CHSY3: variants seen among roughly 807,000 people sequenced by gnomAD.
CHSY3 encodes the protein chondroitin sulfate synthase 3, also known as N-acetylgalactosaminyl-proteoglycan 3-beta-glucuronosyltransferase 3.
Under a neutral mutation model 67.2 loss-of-function variants are expected in CHSY3, and 35 were observed. The observed-to-expected ratio is 0.52, with a 90% CI of 0.40 to 0.69. The LOEUF (loss-of-function observed/expected upper bound fraction) is 0.69, where lower values mean the gene tolerates loss of function less well. Ranked by LOEUF, CHSY3 falls within the 30% of genes least tolerant of loss-of-function variation. The pLI is 0.00. For missense variants in CHSY3, 1,069 were observed against 1,138.5 expected (o/e 0.94, Z 0.88); for synonymous variants, 474 against 434.7 (o/e 1.09, Z -1.12).
At chr5:130,053,046 T>C (rs1374236804) in intron 2 of CHSY3, among the ~76,000 whole-genome samples, 1 of 152,124 alleles carries the variant, frequency 6.6e-6, no homozygotes, top group Non-Finnish European at 1.5e-5. Flanking sequence ...ATTACAGATA[T>C]TATAAGTTCA....
chr5:130,080,328 AC>A (rs1766407719), intron 2 of CHSY3, among the ~76,000 whole-genome samples: 1 of 152,004 alleles, frequency 6.6e-6, no homozygotes, highest in Admixed American at 6.6e-5. Flanking sequence ...CGTCACTGAT[AC>A]CTAGCACAGT....
chr5:130,170,321 C>A (rs114490319), intron 2 of CHSY3, among the ~76,000 whole-genome samples: 1 of 152,010 alleles, frequency 6.6e-6, no homozygotes, highest in African/African-American at 2.4e-5. Flanking sequence ...TGATTTCATT[C>A]TTTTTTATAA....
chr5:130,038,322 C>T (rs186971584), intron 2 of CHSY3, among the ~76,000 whole-genome samples: 7 of 152,168 alleles, frequency 4.6e-5, no homozygotes, highest in African/African-American at 1.7e-4. Context: ...GGCAGCATTG[C>T]TCTATTACAT....
At chr5:129,951,544 C>A (rs959671884) in intron 2 of CHSY3, among the ~76,000 whole-genome samples, 3 of 152,122 alleles carry the variant, frequency 2.0e-5, no homozygotes, top group Non-Finnish European at 2.9e-5. Flanking sequence ...TAATGTATAT[C>A]AATATGAGTA....
At chr5:129,927,628 C>A (rs920784133) in intron 2 of CHSY3, among the ~76,000 whole-genome samples, 1 of 151,750 alleles carries the variant, frequency 6.6e-6, no homozygotes, top group African/African-American at 2.4e-5. Context: ...AAATGCATTT[C>A]GTTGTATTTC....
chr5:130,110,998 A>G (rs765758994), intron 2 of CHSY3, among the ~76,000 whole-genome samples: 1 of 152,012 alleles, frequency 6.6e-6, no homozygotes, highest in Non-Finnish European at 1.5e-5. Flanking sequence ...ACTTTCACCA[A>G]CATTTAATTT....
At chr5:130,181,506 A>G (rs541943551) in intron 2 of CHSY3, among the ~76,000 whole-genome samples, 3 of 152,288 alleles carry the variant, frequency 2.0e-5, no homozygotes, top group African/African-American at 7.2e-5. Context: ...ATTTATGAAC[A>G]TACATGTCAG....
rs1027432190 is a variant in CHSY3, at chr5:130,108,332, C to T, written c.1087-75897C>T. ...GCCCTTTCAAAAAATTATCCTCCTG[C>T]GTTAGTGTTTTATATTTTTATATTA... On this transcript the variant is annotated intron_variant, in intron 2 of 2. Coordinates refer to ENST00000305031, the MANE Select transcript of CHSY3 (RefSeq NM_175856.5). Among the ~76,000 whole-genome samples, 16 of 151,550 alleles carry T rather than the reference C, an allele frequency of 1.1e-4. No individual in the cohort carries two copies. The East Asian group carries it at 1.5e-3, about 15-fold the overall frequency.
intron 2 of CHSY3, among the ~76,000 whole-genome samples, chr5:129,984,098 C>T (rs116338398): frequency 0.016 from 2,471 of 152,038 alleles, 53 homozygotes; most frequent in African/African-American, 0.055. Flanking sequence ...TTGTGTGTTG[C>T]GGGAGTTTGA....
chr5:130,134,831 G>A (rs565541620), intron 2 of CHSY3, among the ~76,000 whole-genome samples: 3 of 148,866 alleles, frequency 2.0e-5, no homozygotes, highest in South Asian at 2.1e-4. Context: ...GCACTCTCAC[G>A]TTTTACTTCC....
intron 2 of CHSY3, among the ~76,000 whole-genome samples, chr5:129,999,878 C>T (rs1281816736): frequency 6.6e-6 from 1 of 152,000 alleles, no homozygotes; most frequent in African/African-American, 2.4e-5. Flanking sequence ...TTTGTGACAA[C>T]ATCTAGGTTA....
At chr5:129,938,300 G>T (rs1761575745) in intron 2 of CHSY3, among the ~76,000 whole-genome samples, 1 of 152,224 alleles carries the variant, frequency 6.6e-6, no homozygotes, top group South Asian at 2.1e-4. Context: ...GATGGGAGGG[G>T]CTGCTGGGAA....
intron 2 of CHSY3, among the ~76,000 whole-genome samples, chr5:129,956,341 G>A (rs182672970): frequency 5.9e-5 from 9 of 151,960 alleles, no homozygotes; most frequent in Non-Finnish European, 8.8e-5. Flanking sequence ...CTTGTTGGTC[G>A]TATGTAGGTC....
At chr5:130,161,123 C>T (rs1313656892) in intron 2 of CHSY3, among the ~76,000 whole-genome samples, 1 of 151,894 alleles carries the variant, frequency 6.6e-6, no homozygotes, top group South Asian at 2.1e-4. Flanking sequence ...CCAGGATGGT[C>T]TCGATCTCCT....
At position 130,084,602 on chromosome 5, in the gene CHSY3, AATTTATTT is replaced by A. The variant is rs367718379; in HGVS notation, c.1087-99621_1087-99614del. Among the ~76,000 whole-genome samples the A allele has an allele frequency of 1.8e-3, 250 of 135,354 alleles. 3 individuals are homozygous for A. The highest frequency in any genetic ancestry group is 7.0e-3 in the African/African-American group (246 of 34,954). 88.8% of individuals were successfully genotyped at this position (135,354 alleles called of 152,430 possible). A position where few individuals can be genotyped will look rare whatever the true frequency, so the allele number is the denominator to read the frequency against. The stretch of plus-strand genomic sequence containing the variant: ...TAATTGATCTTTTAATTAATTAATT[AATTTATTT>A]ATTTAATAAGACATCAAAAGAATAA... On this transcript the variant is annotated intron_variant, in intron 2 of 2. Coordinates refer to ENST00000305031, the MANE Select transcript of CHSY3 (RefSeq NM_175856.5).
intron 2 of CHSY3, chr5:130,141,247 T>A: frequency 2.1e-6 from 1 of 481,972 alleles, no homozygotes; most frequent in Admixed American, 2.6e-5. Flanking sequence ...GCTGGTAGAG[T>A]CATGACTGTC....
chr5:129,931,488 A>T (rs1761306662), intron 2 of CHSY3, among the ~76,000 whole-genome samples: 1 of 152,212 alleles, frequency 6.6e-6, no homozygotes, highest in Admixed American at 6.5e-5. Context: ...ATATTTGAAT[A>T]GATGTGTATA....
At chr5:129,968,346 T>G (rs1174578790) in intron 2 of CHSY3, among the ~76,000 whole-genome samples, 1 of 151,884 alleles carries the variant, frequency 6.6e-6, no homozygotes, top group East Asian at 1.9e-4. Flanking sequence ...TTTTTACAGA[T>G]GAACACTTAA....
At chr5:130,090,637 C>A (rs1766847488) in intron 2 of CHSY3, among the ~76,000 whole-genome samples, 1 of 152,164 alleles carries the variant, frequency 6.6e-6, no homozygotes, top group African/African-American at 2.4e-5. Context: ...TTCTGGAGAA[C>A]ATGTATCACG....
Sources: allele counts gnomAD v4.1 joint callset (sites outside exome capture counted in the v4.1 genomes callset), GRCh38; gene constraint gnomAD v4.1.1; transcripts MANE v1.5; gene names NCBI Gene and HGNC (gene_info 2026-07-23, HGNC 2026-07-21).